EYA2: variants seen among roughly 807,000 people sequenced by gnomAD.
EYA2 encodes the protein EYA transcriptional coactivator and phosphatase 2.
A neutral mutation model predicts 69.2 loss-of-function variants in EYA2; 31 were observed. The ratio of observed to expected loss-of-function variants is 0.45; its 90% CI spans 0.34 to 0.60. The LOEUF (loss-of-function observed/expected upper bound fraction) is 0.60, where lower values mean the gene tolerates loss of function less well. Ranked by LOEUF, EYA2 falls within the 20% of genes least tolerant of loss-of-function variation. The probability of loss-of-function intolerance (pLI) is 0.02; values close to 1 mark genes in which losing one functional copy is unlikely to be tolerated. For synonymous variants in EYA2, 257 were observed against 279.4 expected (o/e 0.92, Z 0.80); for missense variants, 622 against 701.2 (o/e 0.89, Z 1.28).
chr20:47,159,224 A>C lies in EYA2; in HGVS notation c.979-9915A>C, dbSNP rs530399623. On this transcript the variant is annotated intron_variant, in intron 10 of 15. Transcript: ENST00000327619. ...CCACCTGAGCCAGGTGATCAAGGTC[A>C]ACATCAACAGTGATTAGTCATGTTG... Among the ~76,000 whole-genome samples the C allele has an allele frequency of 1.1e-3, 171 of 152,132 alleles. 1 individual carries two copies. The highest frequency in any genetic ancestry group is 6.8e-3 in the Middle Eastern group (2 of 294).
chr20:47,038,561 G>A (rs1480921229), intron 5 of EYA2, among the ~76,000 whole-genome samples: 1 of 152,198 alleles, frequency 6.6e-6, no homozygotes, highest in African/African-American at 2.4e-5. Flanking sequence ...GGTCCACATA[G>A]GGCAGAGGAA....
chr20:47,137,489 G>T, intron 9 of EYA2, among the ~76,000 whole-genome samples: 1 of 152,210 alleles, frequency 6.6e-6, no homozygotes, highest in East Asian at 1.9e-4. Flanking sequence ...GAAGGGGTCA[G>T]TGGCCCGAAA....
chr20:47,013,609 C>T (rs1983214747), intron 4 of EYA2, among the ~76,000 whole-genome samples: 1 of 152,168 alleles, frequency 6.6e-6, no homozygotes, highest in Non-Finnish European at 1.5e-5. Context: ...GTGATATTTC[C>T]GATTCTGGCT....
chr20:47,049,228 T>C (rs2030197751), intron 5 of EYA2, among the ~76,000 whole-genome samples: 1 of 152,220 alleles, frequency 6.6e-6, no homozygotes, highest in African/African-American at 2.4e-5. Flanking sequence ...CTTTCCCTAA[T>C]GTGAACCTCT....
intron 9 of EYA2, among the ~76,000 whole-genome samples, chr20:47,132,028 G>T (rs116673967): frequency 3.3e-5 from 5 of 152,120 alleles, no homozygotes; most frequent in Admixed American, 6.6e-5. Context: ...GTGCAGTAGC[G>T]CAATCATAGT....
intron 10 of EYA2, among the ~76,000 whole-genome samples, chr20:47,163,796 CTCA>C (rs201267541): frequency 0.018 from 2,717 of 151,810 alleles, 87 homozygotes; most frequent in African/African-American, 0.063. Context: ...TAGCTACGAC[CTCA>C]TCAAGGGAAC....
chr20:46,919,121 G>A (rs6018173), intron 1 of EYA2, among the ~76,000 whole-genome samples: 131,885 of 152,296 alleles, frequency 0.87, 57,934 homozygotes, highest in East Asian at 0.97. Flanking sequence ...ATGTTATTCT[G>A]TTCATAGAGC....
rs1568686807 is a variant in EYA2 at position 46,957,567 on chromosome 20, ACACACACACAC to A, written c.-10-32433_-10-32423del. Among the ~76,000 whole-genome samples, 128 of 150,680 alleles carry A rather than the reference ACACACACACAC, an allele frequency of 8.5e-4. 1 individual carries two copies. The highest frequency in any genetic ancestry group is 3.4e-3 in the Middle Eastern group (1 of 292). On this transcript the variant is annotated intron_variant, in intron 1 of 15. Transcript: ENST00000327619. ...CACACACACACACACACACACACAC[ACACACACACAC>A]GAAGACAATGTGAAGACAGGACAGA...
intron 1 of EYA2, among the ~76,000 whole-genome samples, chr20:46,934,476 C>T (rs566677809): frequency 3.9e-5 from 6 of 152,178 alleles, no homozygotes; most frequent in Non-Finnish European, 8.8e-5. Context: ...TTGACTCAAA[C>T]TAGCCCAGTT....
chr20:46,938,063 GACAC>G (rs1985996454), intron 1 of EYA2, among the ~76,000 whole-genome samples: 1 of 152,256 alleles, frequency 6.6e-6, no homozygotes, highest in African/African-American at 2.4e-5. Flanking sequence ...TATCCCTAAG[GACAC>G]ACAGCTGGTA....
intron 9 of EYA2, among the ~76,000 whole-genome samples, chr20:47,112,849 T>C (rs888865891): frequency 2.7e-5 from 4 of 145,462 alleles, no homozygotes; most frequent in Admixed American, 7.0e-5. Context: ...AAAGTTAGAT[T>C]TCATGTTCAC....
At position 47,144,260 on chromosome 20, in the gene EYA2, G is replaced by T. The variant is rs376621101; in HGVS notation, c.978+1112G>T. On this transcript the variant is annotated intron_variant, in intron 10 of 15. Coordinates refer to ENST00000327619, the MANE Select transcript of EYA2 (RefSeq NM_005244.5). ...AGTCCCAGCTACGCAGGAGGCTGAGGCAGGAGAGTAGCGTGAACCCGGAAG... is the reference window on the plus strand; with the variant it reads ...AGTCCCAGCTACGCAGGAGGCTGAGTCAGGAGAGTAGCGTGAACCCGGAAG... 8.5e-5 allele frequency among the ~76,000 whole-genome samples: 13 copies of T among 152,052 alleles called. No individual in the cohort carries two copies. In the South Asian group the frequency reaches 2.7e-3, roughly 32 times the overall value.
intron 6 of EYA2, among the ~76,000 whole-genome samples, chr20:47,073,621 G>C (rs554822601): frequency 1.2e-3 from 179 of 152,228 alleles, no homozygotes; most frequent in African/African-American, 4.2e-3. Context: ...GACCAGGACA[G>C]GTGCCATCAG....
intron 5 of EYA2, among the ~76,000 whole-genome samples, chr20:47,020,464 T>G (rs913081821): frequency 3.9e-5 from 6 of 152,214 alleles, no homozygotes; most frequent in African/African-American, 1.4e-4. Context: ...GTTGTTTATT[T>G]TCTTTATTTT....
intron 10 of EYA2, among the ~76,000 whole-genome samples, chr20:47,152,774 G>C (rs2033848369): frequency 6.7e-6 from 1 of 149,542 alleles, no homozygotes; most frequent in African/African-American, 2.5e-5. Context: ...TCGCGCCACT[G>C]CACTTCAGCC....
chr20:47,139,317 A>G (rs2033544300), intron 9 of EYA2, among the ~76,000 whole-genome samples: 1 of 152,252 alleles, frequency 6.6e-6, no homozygotes, highest in South Asian at 2.1e-4. Context: ...TAGTTCTACA[A>G]AGGAATATAT....
intron 4 of EYA2, among the ~76,000 whole-genome samples, chr20:47,009,851 A>C (rs1982950877): frequency 6.6e-6 from 1 of 152,248 alleles, no homozygotes; most frequent in African/African-American, 2.4e-5. Context: ...TTTAATGTAG[A>C]GTATTTTAAG....
At chr20:46,919,409 A>G (rs1488088839) in intron 1 of EYA2, among the ~76,000 whole-genome samples, 1 of 152,268 alleles carries the variant, frequency 6.6e-6, no homozygotes, top group Non-Finnish European at 1.5e-5. Context: ...TCTTCTGGAT[A>G]ACTTGCTGCA....
chr20:47,004,407 G>A (rs1344371831), intron 3 of EYA2, among the ~76,000 whole-genome samples: 1 of 152,168 alleles, frequency 6.6e-6, no homozygotes, highest in East Asian at 1.9e-4. Context: ...TCTAAATTAG[G>A]ACAATCGGGG....
Sources: allele counts gnomAD v4.1 joint callset (sites outside exome capture counted in the v4.1 genomes callset), GRCh38; gene constraint gnomAD v4.1.1; transcripts MANE v1.5; gene names NCBI Gene and HGNC (gene_info 2026-07-23, HGNC 2026-07-21).